Variants in DLG5 observed in about 807,000 individuals in gnomAD.
The protein encoded by DLG5 is discs large MAGUK scaffold protein 5, also known as disks large homolog 5.
A neutral mutation model predicts 189.8 loss-of-function variants in DLG5; 48 were observed. The observed-to-expected ratio is 0.25, with a 90% CI of 0.20 to 0.32. DLG5 has a LOEUF of 0.32. Among genes scored for constraint, DLG5 ranks in the 10% least tolerant of loss-of-function variants. The pLI, the probability that DLG5 is intolerant of heterozygous loss-of-function variation, is 1.00. For synonymous variants in DLG5, 1,016 were observed against 1,054.1 expected, an observed-to-expected ratio of 0.96 and a Z score of 0.70; for missense variants, 2,160 against 2,544.7, an observed-to-expected ratio of 0.85 and a Z score of 3.25.
chr10:77,918,037 CAAAA>C (rs896274365), intron 1 of DLG5, among the ~76,000 whole-genome samples: 1 of 148,316 alleles, frequency 6.7e-6, no homozygotes, highest in Non-Finnish European at 1.5e-5. Context: ...AAACAAAAAA[CAAAA>C]AACTTAATGC....
chr10:77,849,377 C>T (rs1843851295), intron 5 of DLG5, among the ~76,000 whole-genome samples: 1 of 152,266 alleles, frequency 6.6e-6, no homozygotes, highest in Non-Finnish European at 1.5e-5. Flanking sequence ...TCCCCGCTTC[C>T]TCTGCTGCTG....
At chr10:77,835,161 C>T (rs1462405798) in intron 8 of DLG5, among the ~76,000 whole-genome samples, 3 of 152,120 alleles carry the variant, frequency 2.0e-5, no homozygotes, top group Non-Finnish European at 4.4e-5. Context: ...CAGGTGCCCT[C>T]CATCTGCAAT....
chr10:77,907,482 G>A (rs1180532933), intron 1 of DLG5, among the ~76,000 whole-genome samples: 1 of 152,154 alleles, frequency 6.6e-6, no homozygotes, highest in Non-Finnish European at 1.5e-5. Context: ...AGGAGGCTAA[G>A]GTAGGATAAT....
At chr10:77,901,833 T>C (rs1481838563) in intron 1 of DLG5, among the ~76,000 whole-genome samples, 3 of 152,110 alleles carry the variant, frequency 2.0e-5, no homozygotes, top group Admixed American at 6.5e-5. Context: ...GAGCTCTCTG[T>C]CCTGACCCAC....
intron 24 of DLG5, among the ~76,000 whole-genome samples, chr10:77,808,895 G>C (rs1352682114): frequency 6.6e-6 from 1 of 152,172 alleles, no homozygotes; most frequent in African/African-American, 2.4e-5. Flanking sequence ...AGGAGTTTGA[G>C]ACCAGCCTGG....
At chr10:77,804,539 CCCA>C (rs1377557165) in intron 27 of DLG5, among the ~76,000 whole-genome samples, 1 of 152,194 alleles carries the variant, frequency 6.6e-6, no homozygotes, top group Non-Finnish European at 1.5e-5. Flanking sequence ...CACTGCCACC[CCCA>C]CACCTGATTG....
intron 2 of DLG5, among the ~76,000 whole-genome samples, chr10:77,859,076 A>G (rs1844371438): frequency 6.6e-6 from 1 of 152,016 alleles, no homozygotes; most frequent in African/African-American, 2.4e-5. Context: ...GGGTATCGCT[A>G]TGTTGCCCAG....
intron 2 of DLG5, among the ~76,000 whole-genome samples, chr10:77,861,227 G>A (rs1258490500): frequency 1.3e-5 from 2 of 152,120 alleles, no homozygotes; most frequent in African/African-American, 2.4e-5. Flanking sequence ...CTCACCTCAC[G>A]AGCCCTCTGA....
In DLG5 at chr10:77,794,899, G is replaced by A. The variant is rs988796132; in HGVS notation, c.5496C>T (p.His1832=). 9.9e-6 allele frequency: 16 copies of A among 1,613,946 alleles called. No homozygotes were observed. Among genetic ancestry groups the A allele is most frequent in the Admixed American group, 1.7e-5 (1 of 60,002 alleles). The change falls in exon 30 of 32, where the codon CAC becomes CAT. Residue 1832 remains histidine (H), a synonymous_variant. Transcript: ENST00000372391. The part of the protein sequence containing the change: ...PHAIERLHHM[H]IYPIVIFIHY... ...GGATGAAGATGACAATGGGGTAGAT[G>A]TGCATGTGGTGGAGCCGCTCAATAG...
intron 29 of DLG5, among the ~76,000 whole-genome samples, chr10:77,795,614 C>T (rs1840872765): frequency 6.6e-6 from 1 of 152,162 alleles, no homozygotes. Flanking sequence ...CGCCCTCGTG[C>T]TGCCTAGGAT....
intron 9 of DLG5, among the ~76,000 whole-genome samples, chr10:77,832,701 C>T (rs114824693): frequency 0.013 from 1,976 of 152,258 alleles, 38 homozygotes; most frequent in African/African-American, 0.045. Context: ...TGAATGAACA[C>T]ACAAGCTGAA....
chr10:77,938,412 C>T, the DLG5 span, among the ~76,000 whole-genome samples: 3 of 152,094 alleles, frequency 2.0e-5, no homozygotes, highest in African/African-American at 2.4e-5. Context: ...GCCTGGGTGA[C>T]AGAGCAAGAC....
At chr10:77,930,312 T>C (rs930695858), upstream of DLG5, among the ~76,000 whole-genome samples, 8 of 152,044 alleles carry the variant, frequency 5.3e-5, no homozygotes, top group African/African-American at 1.9e-4. Context: ...TCAGCTTCTT[T>C]TTTTTTTAAT....
chr10:77,811,843 G>T, intron 22 of DLG5, 81 bp downstream of exon 22: 2 of 1,478,426 alleles, frequency 1.4e-6, no homozygotes, highest in Non-Finnish European at 1.8e-6. Context: ...TGGCACCCTG[G>T]GTCTCCCTAA....
At chr10:77,874,983 A>G (rs1212740196) in intron 1 of DLG5, among the ~76,000 whole-genome samples, 1 of 152,246 alleles carries the variant, frequency 6.6e-6, no homozygotes, top group Non-Finnish European at 1.5e-5. Context: ...AGCACTACTA[A>G]GTACTGGGAC....
chr10:77,824,528 T>C, intron 13 of DLG5, 52 bp from the exon 14 acceptor site: 2 of 1,448,720 alleles, frequency 1.4e-6, no homozygotes, highest in Non-Finnish European at 1.9e-6. Context: ...GCCTCAGGCC[T>C]ACCAGTCAGG....
chr10:77,872,359 C>G (rs896364010), intron 1 of DLG5, among the ~76,000 whole-genome samples: 5 of 152,206 alleles, frequency 3.3e-5, no homozygotes, highest in African/African-American at 1.2e-4. Context: ...ACCTCCCTGG[C>G]TGGGGGAGTC....
At position 77,888,087 on chromosome 10, in the gene DLG5, C is replaced by T. The variant is rs573059996; in HGVS notation, c.305-18890G>A. On this transcript the variant is annotated intron_variant, in intron 1 of 31. Transcript: ENST00000372391. ...ATTTTGTGCAAACATGCGTTTTCCT[C>T]GGGGGCAAACATTCTGAGCCTACAA... Among the ~76,000 whole-genome samples, 17 of 152,256 alleles carry T rather than the reference C, an allele frequency of 1.1e-4. No homozygotes were observed. The South Asian group carries it at 3.5e-3, about 32-fold the overall frequency.
intron 2 of DLG5, among the ~76,000 whole-genome samples, chr10:77,864,645 C>T (rs972029505): frequency 8.5e-5 from 13 of 152,258 alleles, no homozygotes; most frequent in Non-Finnish European, 1.8e-4. Flanking sequence ...AAAAGCCCTC[C>T]GGGTGATTCC....
Sources: allele counts gnomAD v4.1 joint callset (sites outside exome capture counted in the v4.1 genomes callset), GRCh38; gene constraint gnomAD v4.1.1; transcripts MANE v1.5; gene names NCBI Gene and HGNC (gene_info 2026-07-23, HGNC 2026-07-21).